Variants in LNX2 observed in about 807,000 individuals in gnomAD.
The protein encoded by LNX2 is ligand of numb-protein X 2, also known as ligand of Numb protein X 2.
Under a neutral mutation model 66.2 loss-of-function variants are expected in LNX2, and 35 were observed. The observed-to-expected ratio is 0.53, with a 90% confidence interval of 0.40 to 0.70. The LOEUF is 0.70. LNX2 is among the 30% of genes least tolerant of loss of function. The pLI, the probability that LNX2 is intolerant of heterozygous loss-of-function variation, is 0.00. For synonymous variants in LNX2, 337 were observed against 315.6 expected, an observed-to-expected ratio of 1.07 and a Z score of -0.72; for missense variants, 791 against 850.8, an observed-to-expected ratio of 0.93 and a Z score of 0.87.
chr13:27,589,339 T>C (rs2138421328), intron 1 of LNX2, among the ~76,000 whole-genome samples: 1 of 152,350 alleles, frequency 6.6e-6, no homozygotes, highest in East Asian at 1.9e-4. Flanking sequence ...AACTATAATC[T>C]ACTGGCTTTG....
chr13:27,562,622 G>C lies in LNX2; in HGVS notation c.1015C>G (p.Gln339Glu), dbSNP rs774975509. 1 of 1,614,098 alleles carries C rather than the reference G, an allele frequency of 6.2e-7. No individual in the cohort carries two copies. Among genetic ancestry groups the C allele is most frequent in the South Asian group, 1.1e-5 (1 of 91,078 alleles). ...GAGTCCCGTTTATGAAGAGCCACTT[G>C]GAAAATCTCTTCTCGTGGAGAGTTA... ...DSNSPREEIF[Q>E]VALHKRDSGE... Residue 339 changes from glutamine (Q) to glutamate (E), a missense_variant, in exon 5 of 10, where the codon CAA becomes GAA. Transcript: ENST00000316334.
At chr13:27,591,306 T>A (rs1955544264) in intron 1 of LNX2, among the ~76,000 whole-genome samples, 1 of 152,174 alleles carries the variant, frequency 6.6e-6, no homozygotes, top group Admixed American at 6.5e-5. Flanking sequence ...TACAAATGCA[T>A]AATGTTACAT....
At chr13:27,556,198 A>T in intron 7 of LNX2, 38 bp downstream of exon 7, 3 of 1,581,954 alleles carry the variant, frequency 1.9e-6, no homozygotes, top group Non-Finnish European at 2.6e-6. Context: ...TTAATTCAGA[A>T]ATAAGATGTG....
rs1954943408 is a variant in LNX2, at chr13:27,546,690, T to A, written c.*1645A>T. 1 of 152,330 alleles carries A rather than the reference T, an allele frequency of 6.6e-6. No individual in the cohort carries two copies. Among genetic ancestry groups the A allele is most frequent in the African/African-American group, 2.4e-5 (1 of 41,586 alleles). 9.4% of individuals were successfully genotyped at this position (152,330 alleles called of 1,614,324 possible). A position where few individuals can be genotyped will look rare whatever the true frequency, so the allele number is the denominator to read the frequency against. The stretch of plus-strand genomic sequence containing the variant: ...GGTCATGCTTCATAATATATTGTAC[T>A]GTAGTATTCTGAAATACATTCTCTG... On this transcript the variant is annotated 3_prime_UTR_variant, in exon 10 of 10. Transcript: ENST00000316334.
intron 1 of LNX2, among the ~76,000 whole-genome samples, chr13:27,595,343 T>C (rs1955585229): frequency 6.6e-6 from 1 of 152,222 alleles, no homozygotes; most frequent in Non-Finnish European, 1.5e-5. Flanking sequence ...AATCACTTGT[T>C]TGCATGTGTC....
In LNX2 at chr13:27,562,403, G is replaced by A; in HGVS notation, c.1224+10C>T. ...GCCAAGCCTTTGGAATGAAGGCCAA[G>A]AGGGTTTACCTGAATAATCTGGGCA... On this transcript the variant is annotated intron_variant, in intron 5 of 9. Coordinates refer to ENST00000316334, the MANE Select transcript of LNX2 (RefSeq NM_153371.4). 2 of 1,605,730 alleles carry A rather than the reference G, an allele frequency of 1.2e-6. No individual in the cohort carries two copies. Among genetic ancestry groups the A allele is most frequent in the Non-Finnish European group, 1.7e-6 (2 of 1,175,958 alleles).
intron 1 of LNX2, among the ~76,000 whole-genome samples, chr13:27,590,058 T>C (rs983675121): frequency 1.3e-5 from 2 of 152,132 alleles, no homozygotes; most frequent in African/African-American, 4.8e-5. Flanking sequence ...CATGCCATTC[T>C]CCTGCCTCGG....
Position 27,601,135 on chromosome 13 carries a change from C to G in LNX2, c.-101+19240G>C, listed in dbSNP as rs188018081. Reference sequence around the variant, plus strand: ...CTTTACAAGCAGTATTTCATTTAATCTTTCCAACAAACCCTATGAAGTAGT... The same window carrying G: ...CTTTACAAGCAGTATTTCATTTAATGTTTCCAACAAACCCTATGAAGTAGT... On this transcript the variant is annotated intron_variant, in intron 1 of 9. Coordinates refer to ENST00000316334, the MANE Select transcript of LNX2 (RefSeq NM_153371.4). 1.1e-3 allele frequency among the ~76,000 whole-genome samples: 160 copies of G among 152,270 alleles called. 1 individual carries two copies. The highest frequency in any genetic ancestry group is 1.9e-4 in the Non-Finnish European group (13 of 68,008).
intron 7 of LNX2, among the ~76,000 whole-genome samples, chr13:27,554,655 T>C (rs1399999173): frequency 6.6e-6 from 1 of 152,236 alleles, no homozygotes; most frequent in Non-Finnish European, 1.5e-5. Flanking sequence ...TTTGAGTGGT[T>C]TCCACTTTCT....
chr13:27,600,085 A>T (rs1593261507), intron 1 of LNX2, among the ~76,000 whole-genome samples: 1 of 152,284 alleles, frequency 6.6e-6, no homozygotes, highest in East Asian at 1.9e-4. Context: ...CATTCAACAA[A>T]TATGTGTTGG....
intron 4 of LNX2, among the ~76,000 whole-genome samples, chr13:27,563,632 GTTC>G (rs1289095391): frequency 6.6e-6 from 1 of 152,094 alleles, no homozygotes; most frequent in Non-Finnish European, 1.5e-5. Flanking sequence ...CACAATTAGA[GTTC>G]TTCTCTGAAT....
intron 5 of LNX2, among the ~76,000 whole-genome samples, chr13:27,561,281 A>C (rs1955132271): frequency 6.6e-6 from 1 of 152,172 alleles, no homozygotes; most frequent in African/African-American, 2.4e-5. Flanking sequence ...TAGTCCATCT[A>C]TTATTTTCTA....
At chr13:27,588,195 A>C (rs1174854502) in intron 1 of LNX2, among the ~76,000 whole-genome samples, 1 of 152,222 alleles carries the variant, frequency 6.6e-6, no homozygotes. Flanking sequence ...GAAAACTTAC[A>C]TTCACACAAA....
At chr13:27,583,429 TG>T in intron 1 of LNX2, among the ~76,000 whole-genome samples, 1 of 152,044 alleles carries the variant, frequency 6.6e-6, no homozygotes, top group Non-Finnish European at 1.5e-5. Context: ...GGCTAATTTT[TG>T]TAATTTTAGT....
At chr13:27,571,888 AC>A (rs1955285193) in intron 2 of LNX2, among the ~76,000 whole-genome samples, 1 of 152,118 alleles carries the variant, frequency 6.6e-6, no homozygotes, top group South Asian at 2.1e-4. Context: ...TTACGTAACA[AC>A]CTTTATATAC....
At chr13:27,595,779 G>A (rs746816006) in intron 1 of LNX2, among the ~76,000 whole-genome samples, 9 of 152,038 alleles carry the variant, frequency 5.9e-5, no homozygotes, top group Non-Finnish European at 1.2e-4. Flanking sequence ...TCTGTCTCTT[G>A]TACCTGGATA....
chr13:27,582,457 T>C (rs1351664310), intron 1 of LNX2, among the ~76,000 whole-genome samples: 3 of 152,234 alleles, frequency 2.0e-5, no homozygotes, highest in African/African-American at 7.2e-5. Flanking sequence ...CACTGTTCAA[T>C]GGTAGTTTTA....
chr13:27,583,705 T>C (rs771081459), intron 1 of LNX2, among the ~76,000 whole-genome samples: 2 of 152,162 alleles, frequency 1.3e-5, no homozygotes, highest in Admixed American at 6.5e-5. Flanking sequence ...TATTTCTTCT[T>C]CTGTAAATAT....
At chr13:27,574,202 T>C (rs1955318250) in intron 2 of LNX2, among the ~76,000 whole-genome samples, 1 of 152,210 alleles carries the variant, frequency 6.6e-6, no homozygotes, top group African/African-American at 2.4e-5. Flanking sequence ...CCCAGCACTT[T>C]GGGACGCCAA....
Sources: allele counts gnomAD v4.1 joint callset (sites outside exome capture counted in the v4.1 genomes callset), GRCh38; gene constraint gnomAD v4.1.1; transcripts MANE v1.5; gene names NCBI Gene and HGNC (gene_info 2026-07-23, HGNC 2026-07-21).